The following ASPRV1 variants were observed in gnomAD, a reference collection of about 807,000 sequenced individuals.
ASPRV1 encodes retroviral-like aspartic protease 1.
ASPRV1 carries 7 observed loss-of-function variants against 11.0 expected under a neutral mutation model. The ratio of observed to expected loss-of-function variants is 0.64; its 90% confidence interval spans 0.36 to 1.20. ASPRV1 has a LOEUF of 1.20. Among genes scored for constraint, ASPRV1 ranks in the 50% most tolerant of loss-of-function variants. The pLI is 0.02. For synonymous variants in ASPRV1, 136 were observed against 138.4 expected, an observed-to-expected ratio of 0.98 and a Z score of 0.12; for missense variants, 299 against 320.0, an observed-to-expected ratio of 0.93 and a Z score of 0.50.
At chr2:70,029,696 T>A in the ASPRV1 span, among the ~76,000 whole-genome samples, 1 of 151,938 alleles carries the variant, frequency 6.6e-6, no homozygotes. Context: ...CAGATTCAAC[T>A]CCCTCCCCTA....
At chr2:70,003,155 G>T in the ASPRV1 span, 11 of 152,250 alleles carry the variant, frequency 7.2e-5, no homozygotes, top group African/African-American at 2.7e-4. Flanking sequence ...GTGTGAATGT[G>T]TCTGGTGCTC....
chr2:70,008,379 A>G, the ASPRV1 span, among the ~76,000 whole-genome samples: 1 of 152,140 alleles, frequency 6.6e-6, no homozygotes, highest in Non-Finnish European at 1.5e-5. Context: ...TGACAATAGA[A>G]AACTTAATTT....
the ASPRV1 span, among the ~76,000 whole-genome samples, chr2:70,060,951 G>C: frequency 6.6e-5 from 10 of 152,214 alleles, no homozygotes; most frequent in African/African-American, 2.2e-4. Flanking sequence ...CCAGGAACAA[G>C]TTCCCTGCCC....
chr2:69,960,595 A>C lies in ASPRV1; in HGVS notation c.*62T>G, dbSNP rs12464297. The C allele has an allele frequency of 0.15, 223,030 of 1,497,242 alleles. 28,283 individuals are homozygous for C. Among genetic ancestry groups the C allele is most frequent in the African/African-American group, 0.53 (37,883 of 71,188 alleles). The allele number at this position is 1,497,242 out of a possible 1,614,324, so 92.7% of individuals were successfully genotyped here. ...CCAGTGACCCCCATGAGGATATGCA[A>C]CCCCCCCCACAGCGGTGGGTCTTCC... On this transcript the variant is annotated 3_prime_UTR_variant, in exon 1 of 1. Coordinates refer to ENST00000320256, the MANE Select transcript of ASPRV1 (RefSeq NM_152792.4).
At chr2:70,014,081 A>G in the ASPRV1 span, among the ~76,000 whole-genome samples, 4 of 152,230 alleles carry the variant, frequency 2.6e-5, no homozygotes, top group Non-Finnish European at 5.9e-5. Context: ...TTAAGAGTGT[A>G]GAAGAGCATA....
chr2:70,072,601 A>T, the ASPRV1 span, among the ~76,000 whole-genome samples: 1 of 151,804 alleles, frequency 6.6e-6, no homozygotes, highest in Non-Finnish European at 1.5e-5. Flanking sequence ...GAGTGCCTGT[A>T]CTCCCAGCTA....
At chr2:70,033,928 G>T in the ASPRV1 span, among the ~76,000 whole-genome samples, 2 of 152,032 alleles carry the variant, frequency 1.3e-5, no homozygotes, top group Non-Finnish European at 2.9e-5. Context: ...GCCGAGGCGG[G>T]CAGATCACGA....
the ASPRV1 span, chr2:70,019,162 G>A: frequency 6.6e-6 from 1 of 152,186 alleles, no homozygotes; most frequent in African/African-American, 2.4e-5. Flanking sequence ...AATCTGAAAA[G>A]GTGCTGAACT....
At chr2:70,000,633 T>C in the ASPRV1 span, 1 of 149,978 alleles carries the variant, frequency 6.7e-6, no homozygotes. Flanking sequence ...CTACTTAAAA[T>C]ACAAAAACTA....
At chr2:70,020,314 C>G in the ASPRV1 span, among the ~76,000 whole-genome samples, 4 of 152,052 alleles carry the variant, frequency 2.6e-5, no homozygotes, top group African/African-American at 9.7e-5. Context: ...GGTATTATCA[C>G]AATAGCAAGC....
the ASPRV1 span, among the ~76,000 whole-genome samples, chr2:70,063,333 A>G: frequency 6.6e-5 from 10 of 152,292 alleles, no homozygotes; most frequent in African/African-American, 2.2e-4. Context: ...ACATCCAGCC[A>G]GTCTTCCAGT....
the ASPRV1 span, among the ~76,000 whole-genome samples, chr2:69,989,122 C>A: frequency 6.6e-6 from 1 of 152,192 alleles, no homozygotes; most frequent in African/African-American, 2.4e-5. Context: ...GAGGGCAGGG[C>A]TCTCACAGCC....
the ASPRV1 span, chr2:69,988,794 CT>C: frequency 2.2e-6 from 1 of 456,588 alleles, no homozygotes; most frequent in Non-Finnish European, 4.4e-6. Flanking sequence ...AGTGTTAACT[CT>C]GCCACCTCAA....
the ASPRV1 span, chr2:69,988,524 T>C: frequency 3.2e-6 from 1 of 311,300 alleles, no homozygotes; most frequent in Non-Finnish European, 6.4e-6. Flanking sequence ...AGGGAAATGT[T>C]TGGTGGGTAG....
At chr2:70,076,111 T>C in the ASPRV1 span, among the ~76,000 whole-genome samples, 1 of 152,120 alleles carries the variant, frequency 6.6e-6, no homozygotes, top group East Asian at 1.9e-4. Flanking sequence ...CAGAGAATAA[T>C]CGAGGCACAT....
At chr2:70,078,305 G>T in the ASPRV1 span, among the ~76,000 whole-genome samples, 1 of 152,040 alleles carries the variant, frequency 6.6e-6, no homozygotes, top group Non-Finnish European at 1.5e-5. Context: ...ATAAACTATG[G>T]TAGAGAGTCC....
At chr2:69,944,366 C>G in the ASPRV1 span, among the ~76,000 whole-genome samples, 1 of 152,224 alleles carries the variant, frequency 6.6e-6, no homozygotes, top group African/African-American at 2.4e-5. Context: ...TAACGAGGGT[C>G]AGCCCACATT....
the ASPRV1 span, among the ~76,000 whole-genome samples, chr2:70,062,384 T>A: frequency 6.6e-6 from 1 of 152,194 alleles, no homozygotes; most frequent in African/African-American, 2.4e-5. Flanking sequence ...AAGCTGCAGA[T>A]TCCTGGTCAC....
chr2:70,060,566 A>C, the ASPRV1 span, among the ~76,000 whole-genome samples: 1 of 152,164 alleles, frequency 6.6e-6, no homozygotes, highest in Non-Finnish European at 1.5e-5. Flanking sequence ...TAATCCCAGC[A>C]CTTTGGGAGG....
Sources: allele counts gnomAD v4.1 joint callset (sites outside exome capture counted in the v4.1 genomes callset), GRCh38; gene constraint gnomAD v4.1.1; transcripts MANE v1.5; gene names NCBI Gene and HGNC (gene_info 2026-07-23, HGNC 2026-07-21).